The following EAPP variants were observed in gnomAD, a reference collection of about 807,000 sequenced individuals.
EAPP encodes E2F associated phosphoprotein, also known as E2F-associated phosphoprotein.
In EAPP, 38 loss-of-function variants were observed where a neutral mutation model predicts 34.3. The ratio of observed to expected loss-of-function variants is 1.11; its 90% CI spans 0.85 to 1.45. The LOEUF is 1.45. EAPP is among the 40% of genes most tolerant of loss of function. EAPP has a pLI of 0.00. For synonymous variants in EAPP, 113 were observed against 117.6 expected (o/e 0.96, Z 0.25); for missense variants, 338 against 343.7 (o/e 0.98, Z 0.13).
rs570835548 is a variant in EAPP, at chr14:34,523,526, G to T, written c.581+1171C>A. Reference sequence around the variant, plus strand: ...AGGCGTGAGCCACCACGCCCAGCCCGTTTTTTTTTTTTTTTTGGAGAGAGA... The same window carrying T: ...AGGCGTGAGCCACCACGCCCAGCCCTTTTTTTTTTTTTTTTTGGAGAGAGA... On this transcript the variant is annotated intron_variant, in intron 5 of 5. Coordinates refer to ENST00000250454, the MANE Select transcript of EAPP (RefSeq NM_018453.4). 1.3e-4 allele frequency among the ~76,000 whole-genome samples: 15 copies of T among 119,518 alleles called. No individual in the cohort carries two copies. In the East Asian group the frequency reaches 3.1e-3, roughly 24 times the overall value. The allele number at this position is 119,518 out of a possible 152,430, so 78.4% of individuals were successfully genotyped here. A position where few individuals can be genotyped will look rare whatever the true frequency, so the allele number is the denominator to read the frequency against.
chr14:34,526,297 C>T (rs1880093652), intron 4 of EAPP, among the ~76,000 whole-genome samples: 1 of 151,590 alleles, frequency 6.6e-6, no homozygotes, highest in South Asian at 2.1e-4. Flanking sequence ...GGCATGGTGG[C>T]GGGTACCTAT....
At chr14:34,528,081 G>A (rs1351691829) in intron 4 of EAPP, among the ~76,000 whole-genome samples, 2 of 141,270 alleles carry the variant, frequency 1.4e-5, no homozygotes, top group Admixed American at 7.5e-5. Flanking sequence ...TCATTCAGTC[G>A]ACCAGGCTGG....
rs1880209049 is a variant in EAPP, at chr14:34,529,471, C to T, written c.357G>A (p.Gln119=). The T allele has an allele frequency of 1.2e-6, 2 of 1,604,218 alleles. No individual in the cohort carries two copies. The highest frequency in any genetic ancestry group is 1.3e-5 in the African/African-American group (1 of 74,660). Residue 119 remains glutamine (Q), a synonymous_variant, in exon 4 of 6, where the codon CAG becomes CAA. Transcript: ENST00000250454. The part of the protein sequence containing the change: ...SDSEDEDRAV[Q]VTKKKKKKQH... ...GTTTCTTCTTTTTTTTCTTGGTCAC[C>T]TGTACTAATTTTGAAAATATTAGGA... is the stretch of plus-strand genomic sequence containing the variant.
At chr14:34,521,171 C>T (rs943825749) in intron 5 of EAPP, among the ~76,000 whole-genome samples, 1 of 152,048 alleles carries the variant, frequency 6.6e-6, no homozygotes, top group East Asian at 1.9e-4. Flanking sequence ...TGGGTACAAG[C>T]GATTCTCCTG....
chr14:34,526,804 CA>C (rs1485019988), intron 4 of EAPP, among the ~76,000 whole-genome samples: 1 of 151,398 alleles, frequency 6.6e-6, no homozygotes, highest in African/African-American at 2.4e-5. Flanking sequence ...CCCAGGAGTT[CA>C]GGGCTACATT....
chr14:34,536,966 G>A (rs1221099901), intron 1 of EAPP, among the ~76,000 whole-genome samples: 1 of 151,986 alleles, frequency 6.6e-6, no homozygotes, highest in Non-Finnish European at 1.5e-5. Context: ...GAGGAAACTG[G>A]GGAAAGAGTA....
chr14:34,536,216 A>AT lies in EAPP; in HGVS notation c.133dup (p.Ile45AsnfsTer10), dbSNP rs1880468124. 1.9e-6 allele frequency: 3 copies of AT among 1,612,594 alleles called. No homozygotes were observed. The East Asian group carries it at 6.7e-5, about 36-fold the overall frequency. ...ACTTTCTCCGGTAAGACATTCTCTG[A>AT]TGAGTTTTCGTTTTTGGTCAGGAGT... On this transcript the variant is annotated frameshift_variant, in exon 2 of 6. Coordinates refer to ENST00000250454, the MANE Select transcript of EAPP (RefSeq NM_018453.4). LOFTEE classifies it high-confidence loss of function.
intron 3 of EAPP, among the ~76,000 whole-genome samples, chr14:34,529,717 T>TA (rs1272584200): frequency 6.6e-6 from 1 of 151,758 alleles, no homozygotes; most frequent in Non-Finnish European, 1.5e-5. Flanking sequence ...CCGTCTCTAC[T>TA]AAAAATACAA....
At position 34,524,429 on chromosome 14, in the gene EAPP, TATCTAG is replaced by T. The variant is rs563007935; in HGVS notation, c.581+262_581+267del. 3.1e-3 allele frequency among the ~76,000 whole-genome samples: 465 copies of T among 151,906 alleles called. 2 individuals are homozygous for T. Among genetic ancestry groups the T allele is most frequent in the African/African-American group, 0.011 (444 of 41,408 alleles). ...AACTATATCTATCTATCTATCTATC[TATCTAG>T]ATCTAGATCTAGATCTAGATACACA... On this transcript the variant is annotated intron_variant, in intron 5 of 5. Transcript: ENST00000250454.
Position 34,539,602 on chromosome 14 carries a change from G to C in EAPP, c.27C>G (p.Asp9Glu). 6.3e-7 allele frequency: 1 copy of C among 1,585,152 alleles called. No homozygotes were observed. The change falls in exon 1 of 6, where the codon GAC (aspartate) becomes GAG (glutamate). Residue 9 changes from aspartate to glutamate, a missense_variant. Asp to Glu is a conservative substitution (Grantham distance 45, BLOSUM62 2). Transcript: ENST00000250454. Reference sequence around the variant, plus strand: ...CGCTAGGCTCTTCAACCGCGTAGGGGTCGTAGTCATCCGGAAGCCGGTTCA... The same window carrying C: ...CGCTAGGCTCTTCAACCGCGTAGGGCTCGTAGTCATCCGGAAGCCGGTTCA... MNRLPDDY[D>E]PYAVEEPSDE... is the part of the protein sequence containing the mutation.
chr14:34,535,811 C>A, intron 2 of EAPP: 1 of 259,288 alleles, frequency 3.9e-6, no homozygotes, highest in Non-Finnish European at 7.1e-6. Flanking sequence ...GTGGGAAGAT[C>A]ATTTGAGCCC....
At chr14:34,529,325 TA>T in intron 4 of EAPP, 32 bp downstream of exon 4, 1 of 1,438,240 alleles carries the variant, frequency 7.0e-7, no homozygotes, top group Non-Finnish European at 9.7e-7. Context: ...TCTTTTTTTC[TA>T]AAGATTCTAA....
chr14:34,532,439 GCAA>G (rs1274138148), intron 3 of EAPP, among the ~76,000 whole-genome samples: 2 of 150,152 alleles, frequency 1.3e-5, no homozygotes, highest in East Asian at 4.0e-4. Context: ...TCCAGCTTGG[GCAA>G]CAAGAGCGAA....
Position 34,529,752 on chromosome 14 carries a change from A to T in EAPP, c.353-277T>A, listed in dbSNP as rs532275826. Reference sequence around the variant, plus strand: ...AAATTAGGGCCAGGTGCGGTGGCTCACGCCTGTAATCCCAGCACTTTGGGA... The same window carrying T: ...AAATTAGGGCCAGGTGCGGTGGCTCTCGCCTGTAATCCCAGCACTTTGGGA... On this transcript the variant is annotated intron_variant, in intron 3 of 5. Transcript: ENST00000250454. 3.7e-4 allele frequency among the ~76,000 whole-genome samples: 57 copies of T among 152,252 alleles called. 1 individual carries two copies. The highest frequency in any genetic ancestry group is 1.3e-3 in the African/African-American group (53 of 41,552).
At chr14:34,530,396 G>A (rs1880243711) in intron 3 of EAPP, among the ~76,000 whole-genome samples, 1 of 152,000 alleles carries the variant, frequency 6.6e-6, no homozygotes, top group Non-Finnish European at 1.5e-5. Flanking sequence ...AATTAGCCAG[G>A]CACACCTGTA....
intron 5 of EAPP, among the ~76,000 whole-genome samples, chr14:34,521,855 C>T (rs962614854): frequency 2.0e-5 from 3 of 151,926 alleles, no homozygotes; most frequent in Non-Finnish European, 2.9e-5. Context: ...AGGATGGTCT[C>T]GATCTCCTGA....
At chr14:34,524,921 G>A (rs1594661713) in intron 4 of EAPP, 114 bp from the exon 5 acceptor site, 3 of 749,916 alleles carry the variant, frequency 4.0e-6, no homozygotes. Context: ...CTAATTCTAG[G>A]AATAAGGAAC....
chr14:34,518,630 C>T (rs1879816640), intron 5 of EAPP, among the ~76,000 whole-genome samples: 1 of 152,112 alleles, frequency 6.6e-6, no homozygotes, highest in African/African-American at 2.4e-5. Flanking sequence ...TGCGCCCAGC[C>T]CCTTTGGATC....
At chr14:34,536,038 G>A in intron 2 of EAPP, 56 bp downstream of exon 2, 1 of 1,315,128 alleles carries the variant, frequency 7.6e-7, no homozygotes, top group African/African-American at 1.5e-5. Flanking sequence ...CACAAATAAG[G>A]TTCCTGCCCT....
Sources: allele counts gnomAD v4.1 joint callset (sites outside exome capture counted in the v4.1 genomes callset), GRCh38; gene constraint gnomAD v4.1.1; transcripts MANE v1.5; gene names NCBI Gene and HGNC (gene_info 2026-07-23, HGNC 2026-07-21).